The following PRKG1 variants were observed in gnomAD, a reference collection of about 807,000 sequenced individuals.
PRKG1 encodes protein kinase cGMP-dependent 1.
In PRKG1, 35 loss-of-function variants were observed where a neutral mutation model predicts 88.1. The observed-to-expected ratio is 0.40, with a 90% CI of 0.30 to 0.53. The LOEUF (loss-of-function observed/expected upper bound fraction) is 0.53. PRKG1 is among the 20% of genes least tolerant of loss of function. PRKG1 has a pLI of 0.59. For missense variants in PRKG1, 540 were observed against 839.8 expected (o/e 0.64, Z 4.41); for synonymous variants, 303 against 292.5 (o/e 1.04, Z -0.37).
At chr10:51,852,184 A>G (rs1840572443) in intron 4 of PRKG1, among the ~76,000 whole-genome samples, 1 of 147,652 alleles carries the variant, frequency 6.8e-6, no homozygotes, top group African/African-American at 2.6e-5. Flanking sequence ...TTATATATAT[A>G]AGTTTAGGCA....
chr10:51,702,019 A>T lies in PRKG1; in HGVS notation c.593-102566A>T, dbSNP rs75678021. Reference sequence around the variant, plus strand: ...ATTGGTAGTAGATTTTCTCATTTACATCAGACCAAACTAAATTTGGTACAC... The same window carrying T: ...ATTGGTAGTAGATTTTCTCATTTACTTCAGACCAAACTAAATTTGGTACAC... On this transcript the variant is annotated intron_variant, in intron 3 of 17. Coordinates refer to ENST00000373980, the MANE Select transcript of PRKG1 (RefSeq NM_006258.4). 7.3e-3 allele frequency among the ~76,000 whole-genome samples: 1,112 copies of T among 152,310 alleles called. 18 individuals carry two copies. Among genetic ancestry groups the T allele is most frequent in the African/African-American group, 0.022 (933 of 41,554 alleles).
At chr10:51,570,309 A>T (rs904257289) in intron 3 of PRKG1, among the ~76,000 whole-genome samples, 1 of 151,806 alleles carries the variant, frequency 6.6e-6, no homozygotes, top group Non-Finnish European at 1.5e-5. Flanking sequence ...TTCAATGAAC[A>T]CATATTTTGT....
At chr10:51,124,307 A>G (rs1845341023) in intron 1 of PRKG1, among the ~76,000 whole-genome samples, 1 of 152,046 alleles carries the variant, frequency 6.6e-6, no homozygotes, top group South Asian at 2.1e-4. Flanking sequence ...AATTTGACGT[A>G]ATTATTATTT....
rs191219474 is a variant in PRKG1, at chr10:51,794,084, A to C, written c.593-10501A>C. ...TGGCCAATAAAATACATTTTAAGTC[A>C]AAAACTTTACAAAGAAACAAAGAAG... On this transcript the variant is annotated intron_variant, in intron 3 of 17. Transcript: ENST00000373980. 3.3e-3 allele frequency among the ~76,000 whole-genome samples: 495 copies of C among 152,214 alleles called. 2 individuals are homozygous for C. Among genetic ancestry groups the C allele is most frequent in the Admixed American group, 5.2e-3 (80 of 15,268 alleles).
At chr10:51,482,158 C>T (rs1840382671) in intron 3 of PRKG1, among the ~76,000 whole-genome samples, 1 of 152,160 alleles carries the variant, frequency 6.6e-6, no homozygotes, top group African/African-American at 2.4e-5. Context: ...ACAAACTACT[C>T]ACCTCCACAG....
chr10:52,031,991 G>A (rs953331190), intron 5 of PRKG1, among the ~76,000 whole-genome samples: 6 of 152,096 alleles, frequency 3.9e-5, no homozygotes, highest in South Asian at 2.1e-4. Context: ...AGAGGGAGAG[G>A]GGGTATTTAA....
intron 3 of PRKG1, among the ~76,000 whole-genome samples, chr10:51,591,422 G>T (rs1315456951): frequency 6.6e-6 from 1 of 152,124 alleles, no homozygotes; most frequent in Admixed American, 6.5e-5. Flanking sequence ...CATTTTAAAT[G>T]GCACATTTGA....
intron 12 of PRKG1, among the ~76,000 whole-genome samples, chr10:52,272,945 T>C (rs1841771561): frequency 6.6e-6 from 1 of 152,060 alleles, no homozygotes; most frequent in South Asian, 2.1e-4. Flanking sequence ...TTTACATGGC[T>C]CTTTGGTTTC....
Position 52,045,070 on chromosome 10 carries a change from T to C in PRKG1, c.763-9414T>C, listed in dbSNP as rs1165162623. Among the ~76,000 whole-genome samples the C allele has an allele frequency of 3.9e-5, 6 of 152,276 alleles. No individual in the cohort carries two copies. The South Asian group carries it at 1.2e-3, about 32-fold the overall frequency. Reference sequence around the variant, plus strand: ...TTAATTTTCTAAATTGTTTACATAGTACCAGTACTTCTTGCCCTAGGTACT... The same window carrying C: ...TTAATTTTCTAAATTGTTTACATAGCACCAGTACTTCTTGCCCTAGGTACT... On this transcript the variant is annotated intron_variant, in intron 5 of 17. Transcript: ENST00000373980.
At chr10:51,827,317 T>C (rs1314316067) in intron 4 of PRKG1, among the ~76,000 whole-genome samples, 1 of 152,138 alleles carries the variant, frequency 6.6e-6, no homozygotes, top group East Asian at 1.9e-4. Context: ...GGCTAATTTT[T>C]ATTCATGAAG....
chr10:51,529,624 C>A (rs1841967469), intron 3 of PRKG1, among the ~76,000 whole-genome samples: 1 of 152,118 alleles, frequency 6.6e-6, no homozygotes, highest in Non-Finnish European at 1.5e-5. Context: ...CAGGTTTCTG[C>A]ACAAATGTCA....
At chr10:51,202,756 G>A (rs1197595745) in intron 2 of PRKG1, among the ~76,000 whole-genome samples, 1 of 152,174 alleles carries the variant, frequency 6.6e-6, no homozygotes, top group East Asian at 1.9e-4. Flanking sequence ...ATTGCAAGTA[G>A]GCCACTTTGT....
At chr10:51,964,361 T>C (rs1485881389) in intron 5 of PRKG1, among the ~76,000 whole-genome samples, 1 of 152,232 alleles carries the variant, frequency 6.6e-6, no homozygotes, top group Non-Finnish European at 1.5e-5. Flanking sequence ...TACATCTTTA[T>C]GTTCATTCCA....
At chr10:51,961,539 AAC>A (rs1318746920) in intron 5 of PRKG1, among the ~76,000 whole-genome samples, 1 of 152,244 alleles carries the variant, frequency 6.6e-6, no homozygotes, top group Non-Finnish European at 1.5e-5. Context: ...CACATGCAAT[AAC>A]ACACACCCAG....
intron 4 of PRKG1, among the ~76,000 whole-genome samples, chr10:51,884,890 A>C (rs10762464): frequency 2.0e-5 from 3 of 152,010 alleles, no homozygotes; most frequent in African/African-American, 4.8e-5. Context: ...ACCTCTTCGT[A>C]GGAGAAGTGG....
At chr10:51,658,419 G>A (rs1840215310) in intron 3 of PRKG1, among the ~76,000 whole-genome samples, 1 of 151,970 alleles carries the variant, frequency 6.6e-6, no homozygotes, top group Admixed American at 6.6e-5. Flanking sequence ...ATAGACATAG[G>A]GCAGGCACAA....
chr10:52,173,242 T>G (rs1838760135), intron 9 of PRKG1, among the ~76,000 whole-genome samples: 1 of 152,210 alleles, frequency 6.6e-6, no homozygotes, highest in African/African-American at 2.4e-5. Flanking sequence ...TATCAAATTG[T>G]GTAGTATTGC....
At chr10:51,709,246 C>T (rs1481728275) in intron 3 of PRKG1, among the ~76,000 whole-genome samples, 9 of 152,164 alleles carry the variant, frequency 5.9e-5, no homozygotes, top group South Asian at 2.1e-4. Flanking sequence ...ATATATAATG[C>T]GTGATCTTCT....
intron 2 of PRKG1, among the ~76,000 whole-genome samples, chr10:51,404,998 T>A (rs891192773): frequency 2.6e-5 from 4 of 152,224 alleles, no homozygotes; most frequent in African/African-American, 9.6e-5. Context: ...TTCTGCAGTA[T>A]GAGTAAACAT....
Sources: allele counts gnomAD v4.1 joint callset (sites outside exome capture counted in the v4.1 genomes callset), GRCh38; gene constraint gnomAD v4.1.1; transcripts MANE v1.5; gene names NCBI Gene and HGNC (gene_info 2026-07-23, HGNC 2026-07-21).